STXBP5L: variants seen among roughly 807,000 people sequenced by gnomAD.
STXBP5L encodes the protein syntaxin binding protein 5L.
In STXBP5L, 65 loss-of-function variants were observed where a neutral mutation model predicts 144.5. The ratio of observed to expected loss-of-function variants is 0.45; its 90% CI spans 0.37 to 0.55. STXBP5L has a LOEUF of 0.55. Among genes scored for constraint, STXBP5L ranks in the 20% least tolerant of loss-of-function variants. STXBP5L has a pLI of 0.00. For missense variants in STXBP5L, 1,298 were observed against 1,405.5 expected (o/e 0.92, Z 1.22); for synonymous variants, 505 against 469.6 (o/e 1.08, Z -0.97).
At chr3:121,226,060 G>A (rs1430015985) in intron 11 of STXBP5L, among the ~76,000 whole-genome samples, 1 of 152,108 alleles carries the variant, frequency 6.6e-6, no homozygotes, top group African/African-American at 2.4e-5. Context: ...TGCCTCAAAG[G>A]GACTTTTTGG....
chr3:121,239,902 C>T (rs1226195568), intron 13 of STXBP5L, among the ~76,000 whole-genome samples: 1 of 151,740 alleles, frequency 6.6e-6, no homozygotes, highest in African/African-American at 2.4e-5. Context: ...TAAAAAGACT[C>T]AGGTCTTCCT....
intron 7 of STXBP5L, among the ~76,000 whole-genome samples, chr3:121,135,310 C>A (rs1172983299): frequency 6.6e-6 from 1 of 151,940 alleles, no homozygotes; most frequent in Admixed American, 6.6e-5. Flanking sequence ...GGATATTAGC[C>A]CTTTGTCAGA....
At chr3:121,310,404 A>G (rs2043485034) in intron 19 of STXBP5L, among the ~76,000 whole-genome samples, 1 of 151,968 alleles carries the variant, frequency 6.6e-6, no homozygotes, top group Non-Finnish European at 1.5e-5. Flanking sequence ...AGGTCAGGAG[A>G]TTGAGACTAT....
At chr3:121,382,382 G>A (rs890871092) in intron 22 of STXBP5L, among the ~76,000 whole-genome samples, 6 of 151,968 alleles carry the variant, frequency 3.9e-5, no homozygotes, top group Non-Finnish European at 8.8e-5. Flanking sequence ...ATTCAGATTT[G>A]TGTTTTAAAA....
Position 121,086,542 on chromosome 3 carries a change from G to A in STXBP5L, c.471-28383G>A, listed in dbSNP as rs75957162. On this transcript the variant is annotated intron_variant, in intron 5 of 26. Coordinates refer to ENST00000471454, the MANE Select transcript of STXBP5L (RefSeq NM_001308330.2). ...TTCACTACAGTAACATACGGTACAG[G>A]TTTGTAGCCTAGGAGCAATAGGCTA... 3.1e-4 allele frequency among the ~76,000 whole-genome samples: 47 copies of A among 152,136 alleles called. No homozygotes were observed. The East Asian group carries it at 6.2e-3, about 20-fold the overall frequency.
rs1576748072 is a variant in STXBP5L, at chr3:121,040,865, C to T, written c.288-835C>T. Among the ~76,000 whole-genome samples, 5 of 152,192 alleles carry T rather than the reference C, an allele frequency of 3.3e-5. No individual in the cohort carries two copies. The East Asian group carries it at 9.6e-4, about 29-fold the overall frequency. On this transcript the variant is annotated intron_variant, in intron 3 of 26. Transcript: ENST00000471454. ...GCAGTGTCTTAAAATTTGTTACATA[C>T]ATTTTGTACAGATTTTTAATTGTTT... is the stretch of plus-strand genomic sequence containing the variant.
intron 2 of STXBP5L, among the ~76,000 whole-genome samples, chr3:120,926,862 T>C (rs1709659052): frequency 6.6e-6 from 1 of 152,136 alleles, no homozygotes. Context: ...ATTTCTCAGT[T>C]CCAAAATTTC....
At chr3:121,056,664 G>T (rs977015329) in intron 5 of STXBP5L, among the ~76,000 whole-genome samples, 29 of 152,116 alleles carry the variant, frequency 1.9e-4, no homozygotes, top group African/African-American at 6.5e-4. Flanking sequence ...GTACAACAGT[G>T]TATGCAATAA....
intron 20 of STXBP5L, among the ~76,000 whole-genome samples, chr3:121,354,892 G>A (rs1299833610): frequency 3.3e-5 from 5 of 152,150 alleles, no homozygotes; most frequent in African/African-American, 1.2e-4. Flanking sequence ...GCTTGGTGGT[G>A]ACAAAATCTC....
intron 7 of STXBP5L, among the ~76,000 whole-genome samples, chr3:121,142,075 T>C (rs2045532245): frequency 6.6e-6 from 1 of 152,024 alleles, no homozygotes. Context: ...TTCATGCAAA[T>C]GATAATTTAT....
At chr3:121,351,697 G>A (rs1576256433) in intron 20 of STXBP5L, among the ~76,000 whole-genome samples, 1 of 152,092 alleles carries the variant, frequency 6.6e-6, no homozygotes, top group East Asian at 1.9e-4. Flanking sequence ...AGTTTAATTA[G>A]ATCCCATTTG....
chr3:121,010,653 G>T (rs1944703842), intron 3 of STXBP5L, among the ~76,000 whole-genome samples: 1 of 151,780 alleles, frequency 6.6e-6, no homozygotes, highest in South Asian at 2.1e-4. Flanking sequence ...GCCTACTGTT[G>T]ACTGCAAGCC....
chr3:120,959,061 A>G (rs1186307787), intron 3 of STXBP5L, among the ~76,000 whole-genome samples: 3 of 152,246 alleles, frequency 2.0e-5, no homozygotes, highest in African/African-American at 7.2e-5. Context: ...GCAAAGTCTC[A>G]GGATACAAAA....
intron 5 of STXBP5L, among the ~76,000 whole-genome samples, chr3:121,112,414 C>T (rs1199573782): frequency 1.3e-5 from 2 of 152,094 alleles, no homozygotes; most frequent in Non-Finnish European, 2.9e-5. Context: ...ACTTGCAGCT[C>T]CCAGGTGGGC....
intron 1 of STXBP5L, among the ~76,000 whole-genome samples, chr3:120,908,699 G>A (rs1380218064): frequency 6.6e-6 from 1 of 151,666 alleles, no homozygotes; most frequent in Non-Finnish European, 1.5e-5. Flanking sequence ...AGCCGTCGCC[G>A]CCACCGCTTC....
rs188923221 is a variant in STXBP5L at position 121,062,841 on chromosome 3, G to T, written c.470+17306G>T. ...ATGCTTCACAAAGTTCTCATTCAGT[G>T]TTTTTCAGCTCCATCAGGTCATTTA... On this transcript the variant is annotated intron_variant, in intron 5 of 26. Transcript: ENST00000471454. 2.2e-3 allele frequency among the ~76,000 whole-genome samples: 333 copies of T among 152,258 alleles called. 1 individual carries two copies. The highest frequency in any genetic ancestry group is 4.1e-3 in the Non-Finnish European group (281 of 68,014).
chr3:121,178,091 A>G (rs948959517), intron 9 of STXBP5L, among the ~76,000 whole-genome samples: 2 of 152,178 alleles, frequency 1.3e-5, no homozygotes, highest in Non-Finnish European at 2.9e-5. Flanking sequence ...ACAGAGGCAA[A>G]AAGGAGAATG....
At chr3:121,255,257 G>T (rs982406735) in intron 16 of STXBP5L, 145 bp downstream of exon 16, 2 of 550,338 alleles carry the variant, frequency 3.6e-6, no homozygotes, top group Non-Finnish European at 6.0e-6. Context: ...AATTATTATT[G>T]TTACTTACTA....
At chr3:121,037,218 C>T (rs545546368) in intron 3 of STXBP5L, among the ~76,000 whole-genome samples, 2 of 151,760 alleles carry the variant, frequency 1.3e-5, no homozygotes, top group East Asian at 3.9e-4. Context: ...CAGAAGTGAG[C>T]CACCACACCT....
Sources: allele counts gnomAD v4.1 joint callset (sites outside exome capture counted in the v4.1 genomes callset), GRCh38; gene constraint gnomAD v4.1.1; transcripts MANE v1.5; gene names NCBI Gene and HGNC (gene_info 2026-07-23, HGNC 2026-07-21).